ABCA13: variants seen among roughly 807,000 people sequenced by gnomAD.
ABCA13 encodes the protein ATP binding cassette subfamily A member 13.
In ABCA13, 476 loss-of-function variants were observed where a neutral mutation model predicts 478.7. The ratio of observed to expected loss-of-function variants is 0.99; its 90% CI spans 0.92 to 1.07. The LOEUF (loss-of-function observed/expected upper bound fraction) is 1.07. ABCA13 is among the 50% of genes least tolerant of loss of function. ABCA13 has a pLI of 0.00. For missense variants in ABCA13, 6,060 were observed against 5,910.6 expected, an observed-to-expected ratio of 1.03 and a Z score of -0.83; for synonymous variants, 2,252 against 2,158.9, an observed-to-expected ratio of 1.04 and a Z score of -1.20.
In ABCA13 at chr7:48,566,073, T is replaced by C. The variant is rs117358742; in HGVS notation, c.14355-14151T>C. On this transcript the variant is annotated intron_variant, in intron 55 of 61. Transcript: ENST00000435803. ...GGAAAGCAAATCAAATCAGGACCATTGAGCTGTTCTTTCTTGACTCTCATT... is the reference window on the plus strand; with the variant it reads ...GGAAAGCAAATCAAATCAGGACCATCGAGCTGTTCTTTCTTGACTCTCATT... Among the ~76,000 whole-genome samples the C allele has an allele frequency of 4.0e-3, 606 of 152,230 alleles. 1 individual carries two copies. Among genetic ancestry groups the C allele is most frequent in the Middle Eastern group, 0.01 (3 of 294 alleles).
chr7:48,195,811 G>A (rs1444634581), intron 2 of ABCA13, among the ~76,000 whole-genome samples: 1 of 152,150 alleles, frequency 6.6e-6, no homozygotes, highest in African/African-American at 2.4e-5. Context: ...TTTGGAGTCT[G>A]CCTGGGAAGC....
At position 48,646,236 on chromosome 7, in the gene ABCA13, T is replaced by C. The variant is rs925392987; in HGVS notation, c.*724T>C. 10 of 152,208 alleles carry C rather than the reference T, an allele frequency of 6.6e-5. No homozygotes were observed. The highest frequency in any genetic ancestry group is 1.3e-4 in the Non-Finnish European group (9 of 68,040). The allele number at this position is 152,208 out of a possible 1,614,324, so 9.4% of individuals were successfully genotyped here. ...AATTTATGAGGGTAGAGAAATAAAA[T>C]GTAGATGCATTTTCTTTTTCTTCAT... is the stretch of plus-strand genomic sequence containing the variant. On this transcript the variant is annotated 3_prime_UTR_variant, in exon 62 of 62. Coordinates refer to ENST00000435803, the MANE Select transcript of ABCA13 (RefSeq NM_152701.5).
chr7:48,390,248 T>A (rs1228778184), intron 37 of ABCA13, among the ~76,000 whole-genome samples: 1 of 152,220 alleles, frequency 6.6e-6, no homozygotes, highest in Non-Finnish European at 1.5e-5. Context: ...TAAAGTTCAA[T>A]GACTGTGTTG....
rs770383355 is a variant in ABCA13, at chr7:48,198,281, T to C, written c.208T>C (p.Phe70Leu). Residue 70 changes from phenylalanine (F) to leucine (L), a missense_variant, in exon 3 of 62, where the codon TTT (phenylalanine) becomes CTT (leucine). By Grantham distance (22) the Phe-to-Leu change is conservative (BLOSUM62 0). Transcript: ENST00000435803. ...TCTACCCAGCTGTGGTGTTATCCCC[T>C]TTGTTCAAAGCCTTCTTTGTAACAC... The part of the protein sequence containing the change: ...RDLPSCGVIP[F>L]VQSLLCNTGS... 2.5e-6 allele frequency: 4 copies of C among 1,613,772 alleles called. No homozygotes were observed. The highest frequency in any genetic ancestry group is 3.4e-6 in the Non-Finnish European group (4 of 1,179,792).
intron 20 of ABCA13, 45 bp from the exon 21 acceptor site, chr7:48,295,655 A>G (rs766519219): frequency 5.6e-6 from 9 of 1,607,518 alleles, no homozygotes; most frequent in Admixed American, 3.3e-5. Flanking sequence ...AATCTTACAG[A>G]TAAGTATGTG....
intron 1 of ABCA13, among the ~76,000 whole-genome samples, chr7:48,179,891 A>G (rs1476931674): frequency 6.6e-6 from 1 of 152,182 alleles, no homozygotes; most frequent in Non-Finnish European, 1.5e-5. Flanking sequence ...AGCCCAGGAC[A>G]TCAGTCCTAT....
At position 48,520,185 on chromosome 7, in the gene ABCA13, C is replaced by T. The variant is rs75469821; in HGVS notation, c.13942C>T (p.Pro4648Ser). ...HNFGIDSYVS[P>S]FEMNFLGWIF... ...CTTCGGCATTGATTCCTATGTGAGT[C>T]CCTTTGAGATGAACTTTCTGGGCTG... is the stretch of plus-strand genomic sequence containing the variant. Residue 4648 changes from proline to serine, a missense_variant, in exon 53 of 62, where the codon CCC (proline) becomes TCC (serine). Physicochemically the swap from Pro to Ser is moderately conservative, Grantham distance 74. Around this residue, in one of 3 missense-constraint regions of ABCA13, gnomAD observed 1,627 missense variants for 1,571.0 expected, o/e 1.04. Coordinates refer to ENST00000435803, the MANE Select transcript of ABCA13 (RefSeq NM_152701.5). 1 of 1,613,700 alleles carries T rather than the reference C, an allele frequency of 6.2e-7. No homozygotes were observed. The highest frequency in any genetic ancestry group is 2.2e-5 in the East Asian group (1 of 44,792).
At chr7:48,519,931 G>A (rs879072664) in intron 52 of ABCA13, 110 bp from the exon 53 acceptor site, 4 of 1,130,356 alleles carry the variant, frequency 3.5e-6, no homozygotes, top group South Asian at 2.0e-5. Flanking sequence ...GTTGGGATAG[G>A]GAAGACCTGG....
intron 31 of ABCA13, among the ~76,000 whole-genome samples, chr7:48,365,655 A>T (rs955637958): frequency 6.6e-6 from 1 of 152,166 alleles, no homozygotes; most frequent in Admixed American, 6.6e-5. Flanking sequence ...TTTTTCCAGC[A>T]TCATTTATTG....
chr7:48,272,221 ACTT>A lies in ABCA13; in HGVS notation c.2559_2561del (p.Phe854del). On this transcript the variant is annotated inframe_deletion, in exon 17 of 62. Transcript: ENST00000435803. ...AAAGGAAAAAGAGCTAAATTGGAAA[ACTT>A]CTTTACACTTTTAAATTTTTCTGTT... is the stretch of plus-strand genomic sequence containing the variant. 6.2e-6 allele frequency: 10 copies of A among 1,610,978 alleles called. No homozygotes were observed. Among genetic ancestry groups the A allele is most frequent in the Non-Finnish European group, 8.5e-6 (10 of 1,178,948 alleles).
intron 15 of ABCA13, among the ~76,000 whole-genome samples, chr7:48,255,361 A>G (rs1793223517): frequency 6.6e-6 from 1 of 152,158 alleles, no homozygotes; most frequent in Non-Finnish European, 1.5e-5. Context: ...AAGTTTCATA[A>G]TATTAAAGGA....
intron 15 of ABCA13, among the ~76,000 whole-genome samples, chr7:48,257,515 A>T (rs533554845): frequency 2.6e-5 from 4 of 152,170 alleles, no homozygotes; most frequent in Admixed American, 6.5e-5. Context: ...AAATGAAGGG[A>T]TGTTGAATTT....
At chr7:48,584,560 G>A (rs1788992654) in intron 56 of ABCA13, among the ~76,000 whole-genome samples, 1 of 152,114 alleles carries the variant, frequency 6.6e-6, no homozygotes, top group African/African-American at 2.4e-5. Context: ...GCGTGTGAGT[G>A]TACCCTCGAT....
chr7:48,486,715 C>T (rs1829339935), intron 47 of ABCA13, among the ~76,000 whole-genome samples: 1 of 152,150 alleles, frequency 6.6e-6, no homozygotes, highest in African/African-American at 2.4e-5. Context: ...GCTCACGGGT[C>T]TGTGAGGTTT....
rs1015575832 is a variant in ABCA13 at position 48,338,263 on chromosome 7, C to T, written c.10114-102C>T. On this transcript the variant is annotated intron_variant, in intron 28 of 61. Transcript: ENST00000435803. Reference sequence around the variant, plus strand: ...CTTTTAAGTGGATTCAGTTTATGTGCCTTGTTCCTTTGTAATGAAACTTTG... The same window carrying T: ...CTTTTAAGTGGATTCAGTTTATGTGTCTTGTTCCTTTGTAATGAAACTTTG... 2.2e-5 allele frequency: 18 copies of T among 802,730 alleles called. No individual in the cohort carries two copies. In the South Asian group the frequency reaches 4.3e-4, roughly 19 times the overall value. 49.7% of individuals were successfully genotyped at this position (802,730 alleles called of 1,614,324 possible).
chr7:48,533,165 G>T (rs1404661898), intron 55 of ABCA13, among the ~76,000 whole-genome samples: 2 of 152,096 alleles, frequency 1.3e-5, no homozygotes, highest in East Asian at 1.9e-4. Context: ...CATTGCCTTT[G>T]CTGTATCCCA....
intron 3 of ABCA13, 128 bp downstream of exon 3, chr7:48,198,488 T>C: frequency 9.1e-7 from 1 of 1,096,874 alleles, no homozygotes; most frequent in Non-Finnish European, 1.2e-6. Context: ...GAAATTAAAG[T>C]TTTATTAAAT....
In ABCA13 at chr7:48,234,102, A is replaced by G; in HGVS notation, c.848A>G (p.Asp283Gly). Reference protein sequence around the residue: ...QYDLKSQFGFDDLHTEQILNS... With the variant: ...QYDLKSQFGFGDLHTEQILNS... Reference sequence around the variant, plus strand: ...GATCTCAAATCCCAGTTTGGCTTTGATGATCTTCACACGGAACAGATCCTG... The same window carrying G: ...GATCTCAAATCCCAGTTTGGCTTTGGTGATCTTCACACGGAACAGATCCTG... The change falls in exon 8 of 62, where the codon GAT (aspartate) becomes GGT (glycine). Residue 283 changes from aspartate to glycine, a missense_variant. By Grantham distance (94) the Asp-to-Gly change is moderately conservative. Around this residue, in one of 3 missense-constraint regions of ABCA13, gnomAD observed 4,423 missense variants for 4,309.1 expected, o/e 1.03. Coordinates refer to ENST00000435803, the MANE Select transcript of ABCA13 (RefSeq NM_152701.5). 6.2e-7 allele frequency: 1 copy of G among 1,614,018 alleles called. No homozygotes were observed. The highest frequency in any genetic ancestry group is 8.5e-7 in the Non-Finnish European group (1 of 1,179,878).
chr7:48,610,776 C>A (rs1012588412), intron 58 of ABCA13, among the ~76,000 whole-genome samples: 1 of 152,184 alleles, frequency 6.6e-6, no homozygotes, highest in Non-Finnish European at 1.5e-5. Context: ...ACTCTCTGGA[C>A]CAGTAGCCTG....
Sources: allele counts gnomAD v4.1 joint callset (sites outside exome capture counted in the v4.1 genomes callset), GRCh38; gene constraint gnomAD v4.1.1; regional missense constraint gnomAD v4.1.1; transcripts MANE v1.5; gene names NCBI Gene and HGNC (gene_info 2026-07-23, HGNC 2026-07-21).